WIZ: variants seen among roughly 807,000 people sequenced by gnomAD.
The protein encoded by WIZ is protein Wiz.
Under a neutral mutation model 140.2 loss-of-function variants are expected in WIZ, and 25 were observed. The ratio of observed to expected loss-of-function variants is 0.18; its 90% CI spans 0.13 to 0.25. The LOEUF (loss-of-function observed/expected upper bound fraction) is 0.25. WIZ is among the 10% of genes least tolerant of loss of function. The pLI, the probability that WIZ is intolerant of heterozygous loss-of-function variation, is 1.00. For synonymous variants in WIZ, 1,125 were observed against 1,154.3 expected (o/e 0.97, Z 0.51); for missense variants, 2,231 against 2,632.6 (o/e 0.85, Z 3.34).
Position 15,439,849 on chromosome 19 carries a change from A to G in WIZ, c.1145T>C (p.Ile382Thr), listed in dbSNP as rs1309844062. 9 of 1,529,918 alleles carry G rather than the reference A, an allele frequency of 5.9e-6. No homozygotes were observed. The highest frequency in any genetic ancestry group is 2.7e-5 in the African/African-American group (2 of 72,766). 94.8% of individuals were successfully genotyped at this position (1,529,918 alleles called of 1,614,324 possible). ...QLHQASREKI[I>T]EEIQKLKQVP... ...TTGCTTCAGCTTTTGGATCTCCTCA[A>G]TGATCTTCTCCCGGGAGGCCTGATG... The change falls in exon 4 of 13, where the codon ATT becomes ACT. Residue 382 changes from isoleucine to threonine, a missense_variant. By Grantham distance (89) the Ile-to-Thr change is moderately conservative. Transcript: ENST00000673675. The surrounding 1 kb of genome is among the most constrained non-coding windows in gnomAD (Gnocchi z 7.0).
intron 2 of WIZ, among the ~76,000 whole-genome samples, chr19:15,446,659 T>A (rs117298072): frequency 3.0e-4 from 46 of 152,266 alleles, no homozygotes; most frequent in Non-Finnish European, 4.6e-4. Flanking sequence ...TTGTCCCTCA[T>A]CCTACCTCTC....
At chr19:15,449,112 G>A (rs888680895) in intron 1 of WIZ, among the ~76,000 whole-genome samples, 5 of 152,150 alleles carry the variant, frequency 3.3e-5, no homozygotes, top group African/African-American at 1.2e-4. Flanking sequence ...TAGGGCTCCT[G>A]GTCCAGAAAT....
chr19:15,442,760 AG>A lies in WIZ; in HGVS notation c.206-13del. The A allele has an allele frequency of 8.1e-7, 1 of 1,231,664 alleles. No homozygotes were observed. Among genetic ancestry groups the A allele is most frequent in the Admixed American group, 4.2e-5 (1 of 23,724 alleles). 76.3% of individuals were successfully genotyped at this position (1,231,664 alleles called of 1,614,324 possible). A position where few individuals can be genotyped will look rare whatever the true frequency, so the allele number is the denominator to read the frequency against. On this transcript the variant is annotated splice_polypyrimidine_tract_variant and intron_variant, in intron 2 of 12. Coordinates refer to ENST00000673675, the MANE Select transcript of WIZ (RefSeq NM_001371589.1). The surrounding 1 kb of genome is among the most constrained non-coding windows in gnomAD (Gnocchi z 5.5). ...ATGGGGCTGCCCGTCTGCAACAGAGAGGGGAGACCCTGAGGGGCTGGGGTCC... is the reference window on the plus strand; with the variant it reads ...ATGGGGCTGCCCGTCTGCAACAGAGAGGGAGACCCTGAGGGGCTGGGGTCC...
At chr19:15,432,547 G>T in intron 5 of WIZ, 1 of 612,352 alleles carries the variant, frequency 1.6e-6, no homozygotes, top group Non-Finnish European at 2.0e-6. Flanking sequence ...GGGTGGGGGC[G>T]GCGGCGGCGG....
rs569060041 is a variant in WIZ, at chr19:15,431,065, T to C, written c.2858A>G (p.Lys953Arg). The C allele has an allele frequency of 4.6e-6, 7 of 1,535,968 alleles. No individual in the cohort carries two copies. The highest frequency in any genetic ancestry group is 6.1e-6 in the Non-Finnish European group (7 of 1,146,818). Residue 953 changes from lysine to arginine, a missense_variant, in exon 6 of 13, where the codon AAA becomes AGA. Coordinates refer to ENST00000673675, the MANE Select transcript of WIZ (RefSeq NM_001371589.1). ...GCCATGAGGAACCTCTGCAGCCACT[T>C]TGCTGCTCAGCCGACTGGCCACCTG... Reference protein sequence around the residue: ...LEQVASRLSSKVAAEVPHGSK... With the variant: ...LEQVASRLSSRVAAEVPHGSK...
intron 5 of WIZ, chr19:15,432,469 T>A (rs990108776): frequency 2.1e-6 from 2 of 974,982 alleles, no homozygotes; most frequent in African/African-American, 3.7e-5. Context: ...GGGCCCCGGC[T>A]CCGGCTCGGC....
chr19:15,443,264 G>A (rs576202604), intron 2 of WIZ, among the ~76,000 whole-genome samples: 55 of 152,176 alleles, frequency 3.6e-4, no homozygotes, highest in Non-Finnish European at 7.2e-4. Context: ...TAGTGACGGC[G>A]TTTCGCCATG....
Position 15,437,005 on chromosome 19 carries a change from G to T in WIZ, c.2541C>A (p.Asn847Lys). 1.2e-6 allele frequency: 2 copies of T among 1,614,016 alleles called. No homozygotes were observed. Among genetic ancestry groups the T allele is most frequent in the Non-Finnish European group, 1.7e-6 (2 of 1,179,928 alleles). The change falls in exon 5 of 13, where the codon AAC (asparagine) becomes AAA (lysine). Residue 847 changes from asparagine to lysine, a missense_variant. Coordinates refer to ENST00000673675, the MANE Select transcript of WIZ (RefSeq NM_001371589.1). The stretch of plus-strand genomic sequence containing the variant: ...TGATGGGTGAGACAGTGAGCTCCCA[G>T]TTGGTGATACCGAAGTCACGTAGGT... Reference protein sequence around the residue: ...RAHLRDFGITNWELTVSPINI... With the variant: ...RAHLRDFGITKWELTVSPINI...
At chr19:15,448,484 C>A in intron 1 of WIZ, 117 bp from the exon 2 acceptor site, 1 of 764,004 alleles carries the variant, frequency 1.3e-6, no homozygotes, top group Non-Finnish European at 2.1e-6. Flanking sequence ...GTTTACCTCC[C>A]AGCCCAGGGG....
chr19:15,445,251 T>C (rs1013852005), intron 2 of WIZ, among the ~76,000 whole-genome samples: 2 of 152,144 alleles, frequency 1.3e-5, no homozygotes, highest in African/African-American at 4.8e-5. Context: ...GGGTTCAACT[T>C]GGTAGAGTGG....
intron 5 of WIZ, chr19:15,433,312 T>C: frequency 1.0e-6 from 1 of 965,176 alleles, no homozygotes; most frequent in South Asian, 4.8e-5. Flanking sequence ...TCCCCAGCTG[T>C]TCCTTGACAG....
intron 4 of WIZ, 106 bp downstream of exon 4, chr19:15,438,472 A>G: frequency 2.3e-6 from 3 of 1,289,768 alleles, no homozygotes; most frequent in Non-Finnish European, 3.1e-6. Context: ...TCTCAGGAGC[A>G]GAGGCCCCAG....
intron 5 of WIZ, among the ~76,000 whole-genome samples, chr19:15,435,144 G>A (rs1166497079): frequency 6.6e-6 from 1 of 152,080 alleles, no homozygotes. Flanking sequence ...CTTGAACCTG[G>A]GCAGCGGAGG....
intron 2 of WIZ, among the ~76,000 whole-genome samples, chr19:15,445,634 C>G (rs1295357787): frequency 6.6e-6 from 1 of 152,148 alleles, no homozygotes; most frequent in Non-Finnish European, 1.5e-5. Flanking sequence ...CCTGGGTGCC[C>G]TGTCCCCAAC....
chr19:15,439,839 G>C lies in WIZ; in HGVS notation c.1155C>G (p.Ile385Met), dbSNP rs1568310734. 1 of 1,530,024 alleles carries C rather than the reference G, an allele frequency of 6.5e-7. No homozygotes were observed. Among genetic ancestry groups the C allele is most frequent in the Non-Finnish European group, 8.7e-7 (1 of 1,143,958 alleles). The allele number at this position is 1,530,024 out of a possible 1,614,324, so 94.8% of individuals were successfully genotyped here. A position where few individuals can be genotyped will look rare whatever the true frequency, so the allele number is the denominator to read the frequency against. The change falls in exon 4 of 13, where the codon ATC (isoleucine) becomes ATG (methionine). Residue 385 changes from isoleucine (I) to methionine (M), a missense_variant. By Grantham distance (10) the Ile-to-Met change is conservative. Transcript: ENST00000673675. The surrounding 1 kb of genome is among the most constrained non-coding windows in gnomAD (Gnocchi z 7.0). ...CTCCTGGAACTTGCTTCAGCTTTTGGATCTCCTCAATGATCTTCTCCCGGG... is the reference window on the plus strand; with the variant it reads ...CTCCTGGAACTTGCTTCAGCTTTTGCATCTCCTCAATGATCTTCTCCCGGG... ...QASREKIIEEIQKLKQVPGDE... is the reference protein window; with the variant it reads ...QASREKIIEEMQKLKQVPGDE...
In WIZ at chr19:15,438,678, C is replaced by T. The variant is rs570210670; in HGVS notation, c.2316G>A (p.Leu772=). ...IGLANHVRGH[L]NRVGVSYNVR... ...CATTGTAGCTGACGCCCACGCGGTT[C>T]AGGTGGCCCCGGACGTGGTTGGCCA... The change falls in exon 4 of 13, where the codon CTG becomes CTA. Residue 772 remains leucine, a synonymous_variant. Coordinates refer to ENST00000673675, the MANE Select transcript of WIZ (RefSeq NM_001371589.1). 9.1e-4 allele frequency: 1,401 copies of T among 1,536,120 alleles called. 11 individuals are homozygous for T. Among genetic ancestry groups the T allele is most frequent in the South Asian group, 8.0e-3 (673 of 84,068 alleles).
At chr19:15,432,533 G>C in intron 5 of WIZ, 2 of 794,032 alleles carry the variant, frequency 2.5e-6, no homozygotes, top group Non-Finnish European at 3.0e-6. Flanking sequence ...GGCGGCGGCG[G>C]CGGGGGTGGG....
At position 15,440,333 on chromosome 19, in the gene WIZ, G is replaced by A; in HGVS notation, c.661C>T (p.Pro221Ser). 1 of 1,524,092 alleles carries A rather than the reference G, an allele frequency of 6.6e-7. No individual in the cohort carries two copies. Among genetic ancestry groups the A allele is most frequent in the Non-Finnish European group, 8.8e-7 (1 of 1,139,182 alleles). 94.4% of individuals were successfully genotyped at this position (1,524,092 alleles called of 1,614,324 possible). A position where few individuals can be genotyped will look rare whatever the true frequency, so the allele number is the denominator to read the frequency against. ...PLAPFRRVFVPVEDTPKTLDM... is the reference protein window; with the variant it reads ...PLAPFRRVFVSVEDTPKTLDM... ...AGCGTCTTCGGGGTGTCTTCCACTG[G>A]CACAAACACCCTCCTGAAGGGGGCG... Residue 221 changes from proline (P) to serine (S), a missense_variant, in exon 4 of 13, where the codon CCA becomes TCA. Transcript: ENST00000673675. The surrounding 1 kb of genome is among the most constrained non-coding windows in gnomAD (Gnocchi z 6.2).
rs2145273321 is a variant in WIZ at position 15,429,668 on chromosome 19, G to A, written c.3333C>T (p.Ser1111=). Residue 1111 remains serine, a synonymous_variant, in exon 7 of 13, where the codon AGC becomes AGT. Coordinates refer to ENST00000673675, the MANE Select transcript of WIZ (RefSeq NM_001371589.1). ...SPTPKNPEDK[S]PQLSLSPRPA... Reference sequence around the variant, plus strand: ...GCCGGGGGCTCAGGGACAGCTGGGGGCTCTTGTCCTCAGGATTCTTAGGGG... The same window carrying A: ...GCCGGGGGCTCAGGGACAGCTGGGGACTCTTGTCCTCAGGATTCTTAGGGG... 7.0e-7 allele frequency: 1 copy of A among 1,428,136 alleles called. No individual in the cohort carries two copies. Among genetic ancestry groups the A allele is most frequent in the South Asian group, 1.5e-5 (1 of 66,634 alleles). The allele number at this position is 1,428,136 out of a possible 1,614,324, so 88.5% of individuals were successfully genotyped here. A position where few individuals can be genotyped will look rare whatever the true frequency, so the allele number is the denominator to read the frequency against.
Sources: allele counts gnomAD v4.1 joint callset (sites outside exome capture counted in the v4.1 genomes callset), GRCh38; gene constraint gnomAD v4.1.1; non-coding constraint Gnocchi (gnomAD v3.1); transcripts MANE v1.5; gene names NCBI Gene and HGNC (gene_info 2026-07-23, HGNC 2026-07-21).